The following GRM5 variants were observed in gnomAD, a reference collection of about 807,000 sequenced individuals.
GRM5 encodes metabotropic glutamate receptor 5.
Under a neutral mutation model 83.1 loss-of-function variants are expected in GRM5, and 19 were observed. The observed-to-expected ratio is 0.23, with a 90% CI of 0.16 to 0.34. The LOEUF (loss-of-function observed/expected upper bound fraction) is 0.34, where lower values mean the gene tolerates loss of function less well. Among genes scored for constraint, GRM5 ranks in the 10% least tolerant of loss-of-function variants. GRM5 has a pLI of 1.00. For missense variants in GRM5, 1,160 were observed against 1,588.3 expected (o/e 0.73, Z 4.58); for synonymous variants, 675 against 633.6 (o/e 1.07, Z -0.98).
At chr11:88,910,264 G>T (rs1365022568) in intron 2 of GRM5, among the ~76,000 whole-genome samples, 4 of 151,850 alleles carry the variant, frequency 2.6e-5, no homozygotes, top group Non-Finnish European at 4.4e-5. Flanking sequence ...CCTTCTTAAG[G>T]CTAAATATGC....
Position 88,661,224 on chromosome 11 carries a change from A to G in GRM5, c.912-7821T>C, listed in dbSNP as rs143052276. ...TCAGTACATACCAAATACTCAAGAA[A>G]TGTTTAATGTAACTTGTTTAAAAAT... On this transcript the variant is annotated intron_variant, in intron 3 of 9. Transcript: ENST00000305447. 2.6e-5 allele frequency among the ~76,000 whole-genome samples: 4 copies of G among 152,312 alleles called. No homozygotes were observed. In the East Asian group the frequency reaches 7.7e-4, roughly 29 times the overall value.
intron 2 of GRM5, among the ~76,000 whole-genome samples, chr11:88,956,819 A>G (rs1396938616): frequency 6.6e-6 from 1 of 152,198 alleles, no homozygotes; most frequent in Non-Finnish European, 1.5e-5. Flanking sequence ...AAAAAAAGAA[A>G]AAGAAAAGCG....
At chr11:88,812,414 CAT>C (rs1372904969) in intron 3 of GRM5, among the ~76,000 whole-genome samples, 1 of 152,192 alleles carries the variant, frequency 6.6e-6, no homozygotes, top group East Asian at 1.9e-4. Context: ...ACACATTTAT[CAT>C]AGAGATAAAG....
chr11:88,658,670 G>C (rs1464749701), intron 3 of GRM5, among the ~76,000 whole-genome samples: 1 of 152,174 alleles, frequency 6.6e-6, no homozygotes, highest in Non-Finnish European at 1.5e-5. Context: ...ACTTCTTAGG[G>C]AGATAAGAGT....
intron 9 of GRM5, among the ~76,000 whole-genome samples, chr11:88,518,639 C>G (rs1328587633): frequency 2.0e-5 from 3 of 151,856 alleles, no homozygotes; most frequent in Non-Finnish European, 4.4e-5. Flanking sequence ...TATGTTGGCT[C>G]CATTATTGTT....
intron 4 of GRM5, among the ~76,000 whole-genome samples, chr11:88,618,865 C>A (rs988493173): frequency 2.0e-5 from 3 of 152,134 alleles, no homozygotes; most frequent in Non-Finnish European, 4.4e-5. Flanking sequence ...CTGCTATGAG[C>A]CAGGATTAAC....
intron 4 of GRM5, among the ~76,000 whole-genome samples, chr11:88,635,094 T>C (rs1167581865): frequency 6.6e-6 from 1 of 152,212 alleles, no homozygotes; most frequent in East Asian, 1.9e-4. Flanking sequence ...TTAGATTATT[T>C]CCACCTCTTG....
At chr11:88,947,512 C>A (rs1938318815) in intron 2 of GRM5, among the ~76,000 whole-genome samples, 1 of 151,716 alleles carries the variant, frequency 6.6e-6, no homozygotes, top group Non-Finnish European at 1.5e-5. Context: ...GTTCTTTTTA[C>A]CATTGCGTCC....
chr11:88,918,478 A>G (rs1945633467), intron 2 of GRM5, among the ~76,000 whole-genome samples: 1 of 151,956 alleles, frequency 6.6e-6, no homozygotes, highest in Non-Finnish European at 1.5e-5. Flanking sequence ...GATTTCATCC[A>G]TACCAGATCT....
chr11:89,014,018 CA>C (rs1168585384), intron 2 of GRM5, among the ~76,000 whole-genome samples: 28 of 152,240 alleles, frequency 1.8e-4, no homozygotes, highest in African/African-American at 6.7e-4. Context: ...TCAGAAGAGA[CA>C]GTGTGCCCAA....
At chr11:88,943,454 G>A (rs1012609338) in intron 2 of GRM5, among the ~76,000 whole-genome samples, 5 of 152,034 alleles carry the variant, frequency 3.3e-5, no homozygotes, top group Admixed American at 2.0e-4. Flanking sequence ...AGGTCTGACT[G>A]TAATGGCTAA....
intron 6 of GRM5, among the ~76,000 whole-genome samples, chr11:88,596,528 C>G (rs1252344171): frequency 6.6e-6 from 1 of 152,122 alleles, no homozygotes; most frequent in Non-Finnish European, 1.5e-5. Flanking sequence ...GCATTGCACT[C>G]TAGATTATTC....
intron 1 of GRM5, among the ~76,000 whole-genome samples, chr11:89,051,160 G>T (rs975949053): frequency 1.3e-5 from 2 of 152,024 alleles, no homozygotes; most frequent in African/African-American, 4.8e-5. Context: ...GGAGGCTGAA[G>T]CAGGAGAATG....
intron 2 of GRM5, among the ~76,000 whole-genome samples, chr11:88,954,869 G>A (rs1270599358): frequency 3.3e-5 from 5 of 152,100 alleles, no homozygotes; most frequent in African/African-American, 4.8e-5. Flanking sequence ...ACAGGTGCTC[G>A]GATGGGTGAA....
chr11:89,057,874 A>G (rs906562362), intron 1 of GRM5, among the ~76,000 whole-genome samples: 2 of 152,174 alleles, frequency 1.3e-5, no homozygotes, highest in African/African-American at 2.4e-5. Flanking sequence ...TAAATAATGT[A>G]TAATAATTAT....
intron 2 of GRM5, among the ~76,000 whole-genome samples, chr11:88,956,498 G>C (rs1176985215): frequency 6.6e-6 from 1 of 152,170 alleles, no homozygotes; most frequent in African/African-American, 2.4e-5. Flanking sequence ...GAAAGGCACA[G>C]TATGTAGTAT....
chr11:88,830,139 A>G (rs1054768143), intron 3 of GRM5, among the ~76,000 whole-genome samples: 1 of 152,104 alleles, frequency 6.6e-6, no homozygotes, highest in Non-Finnish European at 1.5e-5. Flanking sequence ...TATATGCACT[A>G]GCATAATGTC....
At chr11:88,941,544 AGAGAGGAG>A (rs150837711) in intron 2 of GRM5, among the ~76,000 whole-genome samples, 38 of 28,648 alleles carry the variant, frequency 1.3e-3, no homozygotes, top group Non-Finnish European at 2.4e-3. Context: ...GAGGAGGAGG[AGAGAGGAG>A]GAGGAGGAGA....
At chr11:88,945,793 G>A (rs1484786377) in intron 2 of GRM5, among the ~76,000 whole-genome samples, 5 of 151,872 alleles carry the variant, frequency 3.3e-5, no homozygotes, top group African/African-American at 1.2e-4. Flanking sequence ...CTAGAAAAAA[G>A]CCTAGAACAA....
Sources: allele counts gnomAD v4.1 joint callset (sites outside exome capture counted in the v4.1 genomes callset), GRCh38; gene constraint gnomAD v4.1.1; transcripts MANE v1.5; gene names NCBI Gene and HGNC (gene_info 2026-07-23, HGNC 2026-07-21).